SLC22A23: variants seen among roughly 807,000 people sequenced by gnomAD.
SLC22A23 encodes the protein solute carrier family 22 member 23.
Under a neutral mutation model 61.0 loss-of-function variants are expected in SLC22A23, and 26 were observed. The ratio of observed to expected loss-of-function variants is 0.43; its 90% CI spans 0.31 to 0.59. The LOEUF (loss-of-function observed/expected upper bound fraction) is 0.59. Ranked by LOEUF, SLC22A23 falls within the 20% of genes least tolerant of loss-of-function variation. The pLI is 0.11. For missense variants in SLC22A23, 796 were observed against 934.7 expected (o/e 0.85, Z 1.94); for synonymous variants, 430 against 413.9 (o/e 1.04, Z -0.47).
Position 3,328,176 on chromosome 6 carries a change from G to A in SLC22A23, c.914-4174C>T, listed in dbSNP as rs1763383561. ...TCTTGGCAACTAGATATACTTTGTC[G>A]ATAAGCAGAGAGATTACTGAGGGTT... On this transcript the variant is annotated intron_variant, in intron 3 of 9. Transcript: ENST00000406686. This position sits in a 1 kb window ranked among gnomAD's most constrained non-coding sequence, Gnocchi z 5.0. Among the ~76,000 whole-genome samples the A allele has an allele frequency of 6.6e-6, 1 of 151,176 alleles. No homozygotes were observed. Among genetic ancestry groups the A allele is most frequent in the African/African-American group, 2.4e-5 (1 of 41,046 alleles).
At position 3,273,206 on chromosome 6, in the gene SLC22A23, G is replaced by A. The variant is rs774103528; in HGVS notation, c.1910C>T (p.Thr637Met). The A allele has an allele frequency of 1.5e-5, 24 of 1,613,098 alleles. No individual in the cohort carries two copies. The highest frequency in any genetic ancestry group is 9.9e-5 in the South Asian group (9 of 91,014). The change falls in exon 10 of 10, where the codon ACG becomes ATG. Residue 637 changes from threonine to methionine, a missense_variant. Transcript: ENST00000406686. ...CTTGTGCGGCAGCAGCGGCTGGCGC[G>A]TGTAGTGCTCCCCGTTAGAAATGTT... ...PENISNGEHY[T>M]RQPLLPHKKG...
chr6:3,379,460 C>T (rs2127472771), intron 3 of SLC22A23, among the ~76,000 whole-genome samples: 1 of 152,268 alleles, frequency 6.6e-6, no homozygotes, highest in South Asian at 2.1e-4. Context: ...AACTATCGAA[C>T]ACCATGCAGC....
At chr6:3,444,728 G>T in intron 1 of SLC22A23, 1 of 904,496 alleles carries the variant, frequency 1.1e-6, no homozygotes, top group Non-Finnish European at 1.3e-6. Flanking sequence ...TTTTCAGGTT[G>T]GAACTTAGAC....
chr6:3,456,466 C>G lies in SLC22A23; in HGVS notation c.94G>C (p.Ala32Pro), dbSNP rs1230568162. Residue 32 changes from alanine (A) to proline (P), a missense_variant, in exon 1 of 10, where the codon GCG (alanine) becomes CCG (proline). Coordinates refer to ENST00000406686, the MANE Select transcript of SLC22A23 (RefSeq NM_015482.2). The surrounding 1 kb of genome is among the most constrained non-coding windows in gnomAD (Gnocchi z 7.1). ...CCCCCGAGGGGCGCCGAGGCCGCCG[C>G]GTCCCCGGGCGGCAGGGAGCCGTTC... ...EENGSLPPGD[A>P]AASAPLGGRA... 3.4e-6 allele frequency: 4 copies of G among 1,193,050 alleles called. No individual in the cohort carries two copies. Among genetic ancestry groups the G allele is most frequent in the Non-Finnish European group, 4.1e-6 (4 of 965,840 alleles). The allele number at this position is 1,193,050 out of a possible 1,614,324, so 73.9% of individuals were successfully genotyped here. A position where few individuals can be genotyped will look rare whatever the true frequency, so the allele number is the denominator to read the frequency against.
At chr6:3,276,175 G>A (rs539492960) in intron 9 of SLC22A23, among the ~76,000 whole-genome samples, 125 of 152,300 alleles carry the variant, frequency 8.2e-4, no homozygotes, top group African/African-American at 2.9e-3. Flanking sequence ...ACTTTGCTCT[G>A]CCTTTTCTCC....
rs140616219 is a variant in SLC22A23 at position 3,273,106 on chromosome 6, C to T, written c.2010G>A (p.Ala670=). ...DYSGLHDAAA[A]GDTLPEGATA... ...TGGCACCCTCGGGCAGTGTGTCACCCGCGGCTGCGGCATCGTGGAGGCCCG... is the reference window on the plus strand; with the variant it reads ...TGGCACCCTCGGGCAGTGTGTCACCTGCGGCTGCGGCATCGTGGAGGCCCG... Residue 670 remains alanine, a synonymous_variant, in exon 10 of 10, where the codon GCG becomes GCA. Transcript: ENST00000406686. 50 of 1,597,892 alleles carry T rather than the reference C, an allele frequency of 3.1e-5. 1 individual carries two copies. Among genetic ancestry groups the T allele is most frequent in the South Asian group, 1.8e-4 (16 of 90,384 alleles).
chr6:3,369,529 A>G (rs1226096921), intron 3 of SLC22A23, among the ~76,000 whole-genome samples: 1 of 152,120 alleles, frequency 6.6e-6, no homozygotes, highest in Admixed American at 6.5e-5. Flanking sequence ...CATCTCTACT[A>G]AAAATACAAA....
At chr6:3,402,932 C>T (rs778414172) in intron 3 of SLC22A23, among the ~76,000 whole-genome samples, 14 of 152,194 alleles carry the variant, frequency 9.2e-5, no homozygotes, top group Non-Finnish European at 1.5e-4. Flanking sequence ...ATTGTGCTTC[C>T]GGGCAGGTCA....
chr6:3,361,421 A>T (rs913086897), intron 3 of SLC22A23, among the ~76,000 whole-genome samples: 4 of 151,990 alleles, frequency 2.6e-5, no homozygotes, highest in Admixed American at 2.0e-4. Context: ...CTCAAGCAGC[A>T]TCATGTGGCC....
At chr6:3,357,558 A>T (rs1765191983) in intron 3 of SLC22A23, among the ~76,000 whole-genome samples, 1 of 145,796 alleles carries the variant, frequency 6.9e-6, no homozygotes, top group Non-Finnish European at 1.5e-5. Context: ...AGCTTATCAT[A>T]AAAAAATTTA....
intron 9 of SLC22A23, among the ~76,000 whole-genome samples, chr6:3,280,532 GTC>G (rs1759362211): frequency 1.6e-5 from 2 of 123,978 alleles, no homozygotes; most frequent in South Asian, 4.9e-4. Context: ...GTCTCGCTCT[GTC>G]GCCCAGGCTG....
intron 3 of SLC22A23, among the ~76,000 whole-genome samples, chr6:3,407,226 C>T (rs946464447): frequency 1.3e-5 from 2 of 152,198 alleles, no homozygotes; most frequent in African/African-American, 2.4e-5. Context: ...TGTGACCTGG[C>T]TTATCAATAA....
At chr6:3,282,850 C>T (rs559253329) in intron 9 of SLC22A23, among the ~76,000 whole-genome samples, 5 of 152,080 alleles carry the variant, frequency 3.3e-5, no homozygotes, top group East Asian at 3.9e-4. Context: ...CAGTAAATGG[C>T]GTGTAGCACC....
intron 1 of SLC22A23, among the ~76,000 whole-genome samples, chr6:3,431,067 A>C (rs1770828559): frequency 1.4e-5 from 1 of 71,652 alleles, no homozygotes; most frequent in African/African-American, 3.8e-5. Flanking sequence ...ACTCCGTCTC[A>C]AAAAAAAAAA....
chr6:3,329,140 A>G lies in SLC22A23; in HGVS notation c.914-5138T>C, dbSNP rs757429313. On this transcript the variant is annotated intron_variant, in intron 3 of 9. Coordinates refer to ENST00000406686, the MANE Select transcript of SLC22A23 (RefSeq NM_015482.2). This position sits in a 1 kb window ranked among gnomAD's most constrained non-coding sequence, Gnocchi z 4.8. ...CCACCAGAAATACCAGGGGTGGCCAAAGTTTTAACATTCTCCCCCCACCTC... is the reference window on the plus strand; with the variant it reads ...CCACCAGAAATACCAGGGGTGGCCAGAGTTTTAACATTCTCCCCCCACCTC... Among the ~76,000 whole-genome samples, 1 of 152,152 alleles carries G rather than the reference A, an allele frequency of 6.6e-6. No individual in the cohort carries two copies. The highest frequency in any genetic ancestry group is 1.5e-5 in the Non-Finnish European group (1 of 68,026).
chr6:3,391,982 T>TCTG (rs1561947099), intron 3 of SLC22A23, among the ~76,000 whole-genome samples: 136 of 152,250 alleles, frequency 8.9e-4, no homozygotes, highest in African/African-American at 3.1e-3. Flanking sequence ...GGCCAAACCA[T>TCTG]GCAAGATAGC....
intron 9 of SLC22A23, among the ~76,000 whole-genome samples, chr6:3,273,844 TA>T (rs1758656458): frequency 1.3e-5 from 2 of 152,156 alleles, no homozygotes; most frequent in Non-Finnish European, 2.9e-5. Context: ...TACCAAGGGT[TA>T]AAGAGGGTAC....
chr6:3,287,200 AAT>A (rs2127322645), intron 6 of SLC22A23, 109 bp from the exon 7 acceptor site: 2 of 979,928 alleles, frequency 2.0e-6, no homozygotes, highest in East Asian at 2.6e-5. Flanking sequence ...GAAGCAACTC[AAT>A]GTGTCATAGA....
At chr6:3,282,603 G>A (rs968308850) in intron 9 of SLC22A23, among the ~76,000 whole-genome samples, 4 of 152,222 alleles carry the variant, frequency 2.6e-5, no homozygotes, top group African/African-American at 9.6e-5. Context: ...ATTTTCCCAA[G>A]GGTGTCATTA....
Sources: gnomAD v4.1 joint callset for allele counts (sites outside exome capture counted in the v4.1 genomes callset) on GRCh38, gnomAD v4.1.1 for gene constraint, Gnocchi (gnomAD v3.1) non-coding constraint, MANE v1.5 for transcripts, NCBI Gene and HGNC (gene_info 2026-07-23, HGNC 2026-07-21) for gene names.